The following ZNF208 variants were observed in gnomAD, a reference collection of about 807,000 sequenced individuals.
ZNF208 encodes the protein zinc finger protein 95.
Under a neutral mutation model 12.1 loss-of-function variants are expected in ZNF208, and 10 were observed. The ratio of observed to expected loss-of-function variants is 0.83; its 90% CI spans 0.51 to 1.40. ZNF208 has a LOEUF of 1.40. Among genes scored for constraint, ZNF208 ranks in the 40% most tolerant of loss-of-function variants. The pLI is 0.00. For synonymous variants in ZNF208, 497 were observed against 488.4 expected (o/e 1.02, Z -0.23); for missense variants, 1,652 against 1,485.0 (o/e 1.11, Z -1.85).
At chr19:21,947,358 C>T (rs533766380) in intron 4 of ZNF208, among the ~76,000 whole-genome samples, 6 of 152,206 alleles carry the variant, frequency 3.9e-5, no homozygotes, top group African/African-American at 1.4e-4. Flanking sequence ...TTTGTTTGTT[C>T]TGGGGCATAT....
At chr19:21,986,860 G>C (rs1279711286) in intron 3 of ZNF208, 7 of 395,132 alleles carry the variant, frequency 1.8e-5, no homozygotes, top group East Asian at 3.6e-5. Context: ...GATGGAAAGA[G>C]AGAACTTATA....
rs1332736626 is a variant in ZNF208, at chr19:21,973,327, A to C, written c.1707T>G (p.Ser569Arg). The C allele has an allele frequency of 6.2e-7, 1 of 1,609,394 alleles. No individual in the cohort carries two copies. Among genetic ancestry groups the C allele is most frequent in the East Asian group, 2.2e-5 (1 of 44,580 alleles). The change falls in exon 4 of 4, where the codon AGT (serine) becomes AGG (arginine). Residue 569 changes from serine to arginine, a missense_variant. Physicochemically the swap from Ser to Arg is moderately radical, Grantham distance 110. This residue lies in a region of ZNF208 where 1,239 missense variants were observed against 1,086.2 expected (regional missense o/e 1.14). Transcript: ENST00000397126. ...GKAYKWSSTLSYHKKIHTVEK... is the reference protein window; with the variant it reads ...GKAYKWSSTLRYHKKIHTVEK... The stretch of plus-strand genomic sequence containing the variant: ...CTACAGTATGAATTTTCTTATGATA[A>C]CTAAGGGTTGAGGACCACTTATAGG...
intron 3 of ZNF208, among the ~76,000 whole-genome samples, chr19:21,978,440 G>T (rs140538019): frequency 0.012 from 1,878 of 152,324 alleles, 29 homozygotes; most frequent in African/African-American, 0.042. Context: ...AGGGTCTAGA[G>T]TAGACTTCCA....
chr19:21,982,167 C>A (rs765540987), intron 3 of ZNF208, among the ~76,000 whole-genome samples: 8 of 151,888 alleles, frequency 5.3e-5, no homozygotes, highest in Non-Finnish European at 1.0e-4. Flanking sequence ...ATCATCCTGG[C>A]TAACACTGTG....
At chr19:21,962,384 T>C (rs1206447068), downstream of ZNF208, among the ~76,000 whole-genome samples, 1 of 152,182 alleles carries the variant, frequency 6.6e-6, no homozygotes, top group South Asian at 2.1e-4. Flanking sequence ...CTAGGAGCTA[T>C]ACTTAATTCA....
Position 21,953,425 on chromosome 19 carries a change from C to T in ZNF208, c.306-20188G>A, listed in dbSNP as rs1204456931. Among the ~76,000 whole-genome samples, 3 of 152,028 alleles carry T rather than the reference C, an allele frequency of 2.0e-5. No homozygotes were observed. The East Asian group carries it at 5.8e-4, about 29-fold the overall frequency. ...ACGGGTAGCCAGAAAGGTCAGGTTA[C>T]CCCCAAAAGGAAGTCCATCAGACTA... is the stretch of plus-strand genomic sequence containing the variant. On this transcript the variant is annotated intron_variant, in intron 4 of 4. Transcript: ENST00000599916.
chr19:21,959,605 GGGGA>G (rs1395700644), intron 4 of ZNF208, among the ~76,000 whole-genome samples: 1 of 152,164 alleles, frequency 6.6e-6, no homozygotes, highest in Non-Finnish European at 1.5e-5. Context: ...GCCTTTGAGG[GGGGA>G]AAATAAAGTG....
At chr19:21,949,780 A>AG (rs1391082773) in intron 4 of ZNF208, among the ~76,000 whole-genome samples, 1 of 152,224 alleles carries the variant, frequency 6.6e-6, no homozygotes, top group South Asian at 2.1e-4. Flanking sequence ...TGATGGCTAG[A>AG]GGATGGCCAG....
At chr19:21,982,787 G>A (rs1277650334) in intron 3 of ZNF208, among the ~76,000 whole-genome samples, 1 of 152,162 alleles carries the variant, frequency 6.6e-6, no homozygotes, top group Non-Finnish European at 1.5e-5. Flanking sequence ...TTAATAAATG[G>A]TGTTGAAAAA....
downstream of ZNF208, among the ~76,000 whole-genome samples, chr19:21,965,229 A>G (rs1217048204): frequency 2.6e-5 from 4 of 152,070 alleles, no homozygotes; most frequent in African/African-American, 9.6e-5. Context: ...TTTAGAAACT[A>G]TAAATAATAC....
chr19:21,995,981 A>T (rs1970830005), intron 1 of ZNF208, among the ~76,000 whole-genome samples: 1 of 152,210 alleles, frequency 6.6e-6, no homozygotes. Flanking sequence ...CCTGCCTTGT[A>T]AATCCCAGCA....
chr19:21,983,682 A>T (rs1358809311), intron 3 of ZNF208, among the ~76,000 whole-genome samples: 1 of 152,200 alleles, frequency 6.6e-6, no homozygotes, highest in Non-Finnish European at 1.5e-5. Context: ...ATAAAAAAAA[A>T]TGAGTTCATG....
chr19:21,940,214 C>T (rs991873617), intron 4 of ZNF208: 1 of 152,054 alleles, frequency 6.6e-6, no homozygotes, highest in Admixed American at 6.6e-5. Context: ...TATGGCACAA[C>T]GTGTGTGCTC....
At chr19:22,008,145 A>C (rs1469352436) in intron 1 of ZNF208, among the ~76,000 whole-genome samples, 1 of 151,486 alleles carries the variant, frequency 6.6e-6, no homozygotes, top group African/African-American at 2.4e-5. Flanking sequence ...TCTACCACAA[A>C]TACAAAAATT....
At chr19:21,976,267 C>T (rs145236020) in intron 3 of ZNF208, among the ~76,000 whole-genome samples, 2,759 of 152,136 alleles carry the variant, frequency 0.018, 70 homozygotes, top group African/African-American at 0.062. Flanking sequence ...TTTTATGCAA[C>T]CAAAGTTAAT....
In ZNF208 at chr19:21,975,851, A is replaced by AAAAAAAAAAAAAAAAAAAAAAAAAAG. The variant is rs377638519; in HGVS notation, c.227-1045_227-1044insCTTTTTTTTTTTTTTTTTTTTTTTTT. ...AAAAAAAAAAAAAAAAAAAAAAAAA[A>AAAAAAAAAAAAAAAAAAAAAAAAAAG]GCTATCAAGTGAGAATAATACCATC... On this transcript the variant is annotated intron_variant, in intron 3 of 3. Coordinates refer to ENST00000397126, the MANE Select transcript of ZNF208 (RefSeq NM_007153.3). Among the ~76,000 whole-genome samples the AAAAAAAAAAAAAAAAAAAAAAAAAAG allele has an allele frequency of 3.3e-5, 3 of 91,868 alleles. 1 individual carries two copies. The highest frequency in any genetic ancestry group is 1.4e-4 in the African/African-American group (3 of 21,952). The allele number at this position is 91,868 out of a possible 152,430, so 60.3% of individuals were successfully genotyped here.
Position 21,974,220 on chromosome 19 carries a change from G to A in ZNF208, c.814C>T (p.Leu272Phe), listed in dbSNP as rs117477873. The A allele has an allele frequency of 0.014, 22,568 of 1,602,478 alleles. 487 individuals carry two copies. Among genetic ancestry groups the A allele is most frequent in the Non-Finnish European group, 0.015 (18,150 of 1,171,022 alleles). The change falls in exon 4 of 4, where the codon CTT becomes TTT. Residue 272 changes from leucine to phenylalanine, a missense_variant. Transcript: ENST00000397126. ...CGKAFNQSAI[L>F]TKHKIIHTGE... is the part of the protein sequence containing the mutation. ...GTATGAATTATCTTATGTTTAGTAA[G>A]GATTGCAGATTGGTTAAAAGCCTTG...
In ZNF208 at chr19:21,974,659, C is replaced by T. The variant is rs767810738; in HGVS notation, c.375G>A (p.Val125=). ...IGYTNVDECK[V]HKEGYNKLNQ... is the part of the protein sequence containing the mutation. ...TAAGTTTATTATAACCTTCTTTGTGCACCTTACACTCATCCACATTGGTAT... is the reference window on the plus strand; with the variant it reads ...TAAGTTTATTATAACCTTCTTTGTGTACCTTACACTCATCCACATTGGTAT... The change falls in exon 4 of 4, where the codon GTG becomes GTA. Residue 125 remains valine, a synonymous_variant. Coordinates refer to ENST00000397126, the MANE Select transcript of ZNF208 (RefSeq NM_007153.3). The T allele has an allele frequency of 6.2e-6, 10 of 1,613,580 alleles. No individual in the cohort carries two copies. Among genetic ancestry groups the T allele is most frequent in the South Asian group, 5.5e-5 (5 of 91,066 alleles).
At position 21,971,207 on chromosome 19, in the gene ZNF208, G is replaced by A. The variant is rs1199981131; in HGVS notation, c.3827C>T (p.Thr1276Ile). 3 of 1,611,852 alleles carry A rather than the reference G, an allele frequency of 1.9e-6. No homozygotes were observed. The highest frequency in any genetic ancestry group is 8.5e-7 in the Non-Finnish European group (1 of 1,179,590). Residue 1276 changes from threonine (T) to isoleucine (I), a missense_variant, in exon 4 of 4, where the codon ACT (threonine) becomes ATT (isoleucine). By Grantham distance (89) the Thr-to-Ile change is moderately conservative (BLOSUM62 -1). Coordinates refer to ENST00000397126, the MANE Select transcript of ZNF208 (RefSeq NM_007153.3). ...TTCACATTTCTAGAGTTTCTCTCCA[G>A]TATGAATTTTCTTATGTTTACTGAA... ...SVFSKHKKIH[T>I]GEKL
Sources: gnomAD v4.1 joint callset for allele counts (sites outside exome capture counted in the v4.1 genomes callset) on GRCh38, gnomAD v4.1.1 for gene constraint, gnomAD v4.1.1 regional missense constraint, MANE v1.5 for transcripts, NCBI Gene and HGNC (gene_info 2026-07-23, HGNC 2026-07-21) for gene names.